The following MCTP1 variants were observed in gnomAD, a reference collection of about 807,000 sequenced individuals.
MCTP1 encodes the protein multiple C2 and transmembrane domain containing 1.
In MCTP1, 69 loss-of-function variants were observed where a neutral mutation model predicts 120.6. The observed-to-expected ratio is 0.57, with a 90% CI of 0.47 to 0.70. The LOEUF is 0.70. Ranked by LOEUF, MCTP1 falls within the 30% of genes least tolerant of loss-of-function variation. MCTP1 has a pLI of 0.00. For missense variants in MCTP1, 1,203 were observed against 1,248.8 expected, an observed-to-expected ratio of 0.96 and a Z score of 0.55; for synonymous variants, 529 against 493.1, an observed-to-expected ratio of 1.07 and a Z score of -0.96.
At chr5:94,988,575 C>T (rs1480295469) in intron 2 of MCTP1, among the ~76,000 whole-genome samples, 1 of 147,312 alleles carries the variant, frequency 6.8e-6, no homozygotes, top group African/African-American at 2.5e-5. Context: ...AACAACTTGG[C>T]ATTTAATAAT....
intron 6 of MCTP1, 55 bp downstream of exon 6, chr5:94,931,898 C>G: frequency 7.7e-7 from 1 of 1,295,522 alleles, no homozygotes; most frequent in Non-Finnish European, 1.1e-6. Flanking sequence ...TCTGGGAAAG[C>G]AGATGATAGT....
chr5:95,031,441 G>T (rs1253716858), intron 1 of MCTP1, among the ~76,000 whole-genome samples: 1 of 152,152 alleles, frequency 6.6e-6, no homozygotes, highest in African/African-American at 2.4e-5. Context: ...GGACTTCTCA[G>T]CAGAAACCTT....
intron 12 of MCTP1, among the ~76,000 whole-genome samples, chr5:94,888,615 C>T (rs962929313): frequency 3.3e-5 from 5 of 152,208 alleles, no homozygotes; most frequent in African/African-American, 9.6e-5. Context: ...CGTATTCCTA[C>T]TACATTGATT....
intron 17 of MCTP1, among the ~76,000 whole-genome samples, chr5:94,861,491 G>A (rs1051220399): frequency 1.3e-5 from 2 of 151,884 alleles, no homozygotes; most frequent in African/African-American, 4.8e-5. Flanking sequence ...GCATATTAAT[G>A]ACTGAATCTC....
intron 12 of MCTP1, among the ~76,000 whole-genome samples, chr5:94,882,983 C>T (rs191945308): frequency 4.6e-5 from 7 of 152,244 alleles, no homozygotes; most frequent in Admixed American, 2.6e-4. Flanking sequence ...TATTTGATAA[C>T]AACTCTTTGG....
At chr5:94,861,530 T>A (rs1362773558) in intron 17 of MCTP1, among the ~76,000 whole-genome samples, 1 of 151,848 alleles carries the variant, frequency 6.6e-6, no homozygotes, top group African/African-American at 2.4e-5. Flanking sequence ...TTCAGAAGAG[T>A]TATTATTCCT....
chr5:94,854,537 C>T (rs1794368861), intron 17 of MCTP1, among the ~76,000 whole-genome samples: 1 of 151,814 alleles, frequency 6.6e-6, no homozygotes, highest in African/African-American at 2.4e-5. Context: ...AGTCTGGTTC[C>T]ATGTCAGTGA....
At chr5:94,912,359 A>T (rs549916711) in intron 9 of MCTP1, among the ~76,000 whole-genome samples, 2 of 136,900 alleles carry the variant, frequency 1.5e-5, no homozygotes, top group South Asian at 2.5e-4. Context: ...CGGGAGTCGG[A>T]GGTTGCAGTG....
chr5:95,024,670 C>A (rs1562035404), intron 1 of MCTP1, among the ~76,000 whole-genome samples: 1 of 151,588 alleles, frequency 6.6e-6, no homozygotes, highest in African/African-American at 2.4e-5. Context: ...CACACACACA[C>A]ACACACACCC....
intron 1 of MCTP1, among the ~76,000 whole-genome samples, chr5:95,240,819 T>G (rs1191300925): frequency 6.6e-6 from 1 of 152,070 alleles, no homozygotes; most frequent in Non-Finnish European, 1.5e-5. Flanking sequence ...TATCTTCCTT[T>G]TATTATCCAC....
chr5:95,125,514 C>T (rs1758555673), intron 1 of MCTP1, among the ~76,000 whole-genome samples: 1 of 152,196 alleles, frequency 6.6e-6, no homozygotes. Flanking sequence ...CAAATGTTGC[C>T]AATTTAGCAA....
intron 17 of MCTP1, among the ~76,000 whole-genome samples, chr5:94,854,146 C>A (rs986433086): frequency 1.3e-5 from 2 of 151,850 alleles, no homozygotes; most frequent in African/African-American, 4.8e-5. Flanking sequence ...TAGATTATTT[C>A]TCCCTCCTTA....
chr5:94,913,072 A>G (rs1286906806), intron 8 of MCTP1, 96 bp from the exon 9 acceptor site: 2 of 701,978 alleles, frequency 2.8e-6, no homozygotes, highest in Non-Finnish European at 4.4e-6. Context: ...TCTTCAAAAA[A>G]TAAAGGATCG....
intron 2 of MCTP1, among the ~76,000 whole-genome samples, chr5:94,955,141 G>A (rs1310332648): frequency 2.6e-5 from 4 of 152,156 alleles, no homozygotes; most frequent in Admixed American, 2.6e-4. Flanking sequence ...GGGCATCACT[G>A]CCTCACCCAG....
intron 1 of MCTP1, among the ~76,000 whole-genome samples, chr5:95,263,665 G>C (rs530787329): frequency 6.6e-6 from 1 of 152,192 alleles, no homozygotes; most frequent in African/African-American, 2.4e-5. Context: ...AAGTGGAGAT[G>C]AACGACTATC....
At chr5:94,709,319 A>G (rs1161428681) in intron 21 of MCTP1, 1 of 152,076 alleles carries the variant, frequency 6.6e-6, no homozygotes, top group African/African-American at 2.4e-5. Flanking sequence ...GCAATCACCT[A>G]CCACTAAAGG....
intron 21 of MCTP1, chr5:94,709,438 A>T (rs1048878191): frequency 1.9e-4 from 29 of 152,218 alleles, no homozygotes; most frequent in African/African-American, 6.7e-4. Context: ...TTACACAGCT[A>T]GATGTCTGCC....
intron 17 of MCTP1, among the ~76,000 whole-genome samples, chr5:94,803,731 A>G (rs1276711047): frequency 1.3e-5 from 2 of 152,220 alleles, no homozygotes; most frequent in African/African-American, 4.8e-5. Flanking sequence ...GCTATGCTAA[A>G]GAAGCCATGC....
intron 1 of MCTP1, among the ~76,000 whole-genome samples, chr5:95,039,265 G>A (rs1014442328): frequency 2.0e-5 from 3 of 152,128 alleles, no homozygotes; most frequent in Non-Finnish European, 2.9e-5. Context: ...TTTAAGACAC[G>A]TTCATAAAGG....
Sources: gnomAD v4.1 joint callset for allele counts (sites outside exome capture counted in the v4.1 genomes callset) on GRCh38, gnomAD v4.1.1 for gene constraint, MANE v1.5 for transcripts, NCBI Gene and HGNC (gene_info 2026-07-23, HGNC 2026-07-21) for gene names.